Variants in TMEM52B observed in about 807,000 individuals in gnomAD.
The protein encoded by TMEM52B is chromosome 12 open reading frame 59.
TMEM52B carries 11 observed loss-of-function variants against 16.1 expected under a neutral mutation model. The observed-to-expected ratio is 0.68, with a 90% confidence interval of 0.43 to 1.13. TMEM52B has a LOEUF of 1.13. TMEM52B is among the 50% of genes most tolerant of loss of function. TMEM52B has a pLI of 0.00. For synonymous variants in TMEM52B, 101 were observed against 93.8 expected (o/e 1.08, Z -0.45); for missense variants, 243 against 230.4 (o/e 1.05, Z -0.35).
intron 2 of TMEM52B, among the ~76,000 whole-genome samples, chr12:10,183,619 C>T (rs1565426965): frequency 6.6e-6 from 1 of 152,108 alleles, no homozygotes; most frequent in Non-Finnish European, 1.5e-5. Flanking sequence ...CCTCATTCTC[C>T]AATTCCTGAA....
At position 10,179,695 on chromosome 12, in the gene TMEM52B, T is replaced by C; in HGVS notation, c.54+67T>C. On this transcript the variant is annotated intron_variant, in intron 1 of 4. Transcript: ENST00000543484. Reference sequence around the variant, plus strand: ...AGATTAATCAACTCTCAGAAGAGTCTGAAAGGAAATGAACTGCGGGGTGGG... The same window carrying C: ...AGATTAATCAACTCTCAGAAGAGTCCGAAAGGAAATGAACTGCGGGGTGGG... The C allele has an allele frequency of 1.3e-5, 20 of 1,586,428 alleles. No homozygotes were observed. The South Asian group carries it at 1.7e-4, about 13-fold the overall frequency.
Position 10,190,110 on chromosome 12 carries a change from GTCGAC to G in TMEM52B, c.527_531del (p.Thr176AsnfsTer3). ...AGCAGCTGCCTCCAACAGAGAAGGA[GTCGAC>G]TCGAATAGTTGACTCTTGGAACTGA... On this transcript the variant is annotated frameshift_variant, in exon 5 of 5. Transcript: ENST00000543484. LOFTEE classifies it low-confidence loss of function (END_TRUNC). 6.2e-7 allele frequency: 1 copy of G among 1,614,210 alleles called. No homozygotes were observed. Among genetic ancestry groups the G allele is most frequent in the Non-Finnish European group, 8.5e-7 (1 of 1,180,032 alleles).
chr12:10,178,405 C>T (rs113333556), upstream of TMEM52B, among the ~76,000 whole-genome samples: 1 of 151,626 alleles, frequency 6.6e-6, no homozygotes, highest in South Asian at 2.1e-4. Context: ...CGCCAGTATT[C>T]CCAGCTACTC....
intron 3 of TMEM52B, 78 bp from the exon 4 acceptor site, chr12:10,186,342 A>T: frequency 9.1e-7 from 1 of 1,099,098 alleles, no homozygotes; most frequent in Non-Finnish European, 1.2e-6. Context: ...CAAAACACAG[A>T]CATTAAAGAC....
chr12:10,188,662 A>G (rs1948914894), intron 4 of TMEM52B, among the ~76,000 whole-genome samples: 1 of 151,716 alleles, frequency 6.6e-6, no homozygotes, highest in African/African-American at 2.4e-5. Context: ...AGGTCAGGAG[A>G]TTGAGACCAG....
At chr12:10,185,242 T>C in intron 2 of TMEM52B, 88 bp from the exon 3 acceptor site, 1 of 919,090 alleles carries the variant, frequency 1.1e-6, no homozygotes, top group South Asian at 1.3e-5. Flanking sequence ...AGGTATCACA[T>C]CATATTGTAA....
chr12:10,190,002 T>G lies in TMEM52B; in HGVS notation c.414T>G (p.Tyr138Ter). Reference sequence around the variant, plus strand: ...CCTCTTTGGACACCCTCCCAGGGTATGAAGAAGCTCTTCACATGAGTCGCT... The same window carrying G: ...CCTCTTTGGACACCCTCCCAGGGTAGGAAGAAGCTCTTCACATGAGTCGCT... The part of the protein sequence containing the change: ...LPSSLDTLPG[Y>*]EEALHMSRFT... Residue 138 changes from tyrosine (Y) to a stop codon, truncating the protein, a stop_gained, in exon 5 of 5, where the codon TAT (tyrosine) becomes TAG (stop). Transcript: ENST00000543484. LOFTEE classifies it low-confidence loss of function (END_TRUNC). The G allele has an allele frequency of 6.2e-7, 1 of 1,614,168 alleles. No homozygotes were observed. Among genetic ancestry groups the G allele is most frequent in the South Asian group, 1.1e-5 (1 of 91,080 alleles).
intron 1 of TMEM52B, chr12:10,182,328 A>C: frequency 2.0e-6 from 2 of 985,362 alleles, no homozygotes; most frequent in Non-Finnish European, 2.4e-6. Flanking sequence ...CACCATCAAC[A>C]CAACAGATGA....
In TMEM52B at chr12:10,186,604, CT is replaced by C. The variant is rs1289226344; in HGVS notation, c.307+19del. The stretch of plus-strand genomic sequence containing the variant: ...CACTATCACATGTGAGTACACTGAA[CT>C]TTTAACCTGGGAGGAGGACCCAATT... On this transcript the variant is annotated intron_variant, in intron 4 of 4. Transcript: ENST00000543484. The C allele has an allele frequency of 1.3e-6, 2 of 1,540,732 alleles. No individual in the cohort carries two copies. The highest frequency in any genetic ancestry group is 2.7e-5 in the African/African-American group (2 of 73,672).
exon 1 of TMEM52B, chr12:10,170,629 T>C (rs1591984430): frequency 6.6e-6 from 1 of 151,756 alleles, no homozygotes; most frequent in Admixed American, 6.6e-5. Context: ...GCAGCTGGGA[T>C]TGCAGCCGCG....
chr12:10,172,157 G>GTATTTAGATAACAGTAGC, intron 1 of TMEM52B: 2 of 911,312 alleles, frequency 2.2e-6, no homozygotes, highest in Non-Finnish European at 3.6e-6. Context: ...TTCTGCAGAA[G>GTATTTAGATAACAGTAGC]TATTTAAATA....
intron 2 of TMEM52B, among the ~76,000 whole-genome samples, chr12:10,184,348 A>G (rs1948856098): frequency 6.6e-6 from 1 of 152,202 alleles, no homozygotes. Flanking sequence ...ACGCAACCTC[A>G]AGAGGGAGTC....
intron 2 of TMEM52B, among the ~76,000 whole-genome samples, 189 bp from the exon 3 acceptor site, chr12:10,185,141 A>G (rs1169793383): frequency 6.6e-6 from 1 of 152,246 alleles, no homozygotes; most frequent in Non-Finnish European, 1.5e-5. Flanking sequence ...TCTATAGTAT[A>G]AAGTACTATT....
rs1591988072 is a variant in TMEM52B, at chr12:10,179,239, T to C, written c.-336T>C. 1 of 285,496 alleles carries C rather than the reference T, an allele frequency of 3.5e-6. No individual in the cohort carries two copies. Among genetic ancestry groups the C allele is most frequent in the East Asian group, 6.7e-5 (1 of 15,034 alleles). The allele number at this position is 285,496 out of a possible 1,614,324, so 17.7% of individuals were successfully genotyped here. A position where few individuals can be genotyped will look rare whatever the true frequency, so the allele number is the denominator to read the frequency against. Reference sequence around the variant, plus strand: ...CATATGTCCTCTTTGAATGTCTCCTTTTTGGGAGCAGTAGGAGAAAGAAAC... The same window carrying C: ...CATATGTCCTCTTTGAATGTCTCCTCTTTGGGAGCAGTAGGAGAAAGAAAC... On this transcript the variant is annotated 5_prime_UTR_variant, in exon 1 of 5. Coordinates refer to ENST00000543484, the MANE Select transcript of TMEM52B (RefSeq NM_001384896.1).
At chr12:10,185,778 C>T (rs1448568494) in intron 3 of TMEM52B, among the ~76,000 whole-genome samples, 2 of 152,198 alleles carry the variant, frequency 1.3e-5, no homozygotes, top group East Asian at 3.9e-4. Context: ...CGCGGTGGCT[C>T]ACACCTGTAA....
At chr12:10,171,881 G>T in intron 1 of TMEM52B, 1 of 660,688 alleles carries the variant, frequency 1.5e-6, no homozygotes, top group Non-Finnish European at 2.7e-6. Flanking sequence ...TAAGTAAATG[G>T]TATTAATTCT....
chr12:10,186,578 G>A lies in TMEM52B; in HGVS notation c.296G>A (p.Ser99Asn). 1 of 1,590,168 alleles carries A rather than the reference G, an allele frequency of 6.3e-7. No individual in the cohort carries two copies. Among genetic ancestry groups the A allele is most frequent in the South Asian group, 1.1e-5 (1 of 88,352 alleles). ...IAFDHDSTLQ[S>N]TITSLQSVFG... The stretch of plus-strand genomic sequence containing the variant: ...TTCGATCACGACAGCACTCTCCAGA[G>A]CACTATCACATGTGAGTACACTGAA... The change falls in exon 4 of 5, where the codon AGC becomes AAC. Residue 99 changes from serine (S) to asparagine (N), a missense_variant. Ser to Asn is a conservative substitution (Grantham distance 46). Coordinates refer to ENST00000543484, the MANE Select transcript of TMEM52B (RefSeq NM_001384896.1).
upstream of TMEM52B, among the ~76,000 whole-genome samples, chr12:10,175,840 A>C (rs1948761571): frequency 6.6e-6 from 1 of 152,242 alleles, no homozygotes; most frequent in Non-Finnish European, 1.5e-5. Flanking sequence ...ATTGAGGCAC[A>C]GAGAGGAAAG....
Position 10,189,915 on chromosome 12 carries a change from C to T in TMEM52B, c.327C>T (p.Gly109=), listed in dbSNP as rs1948936871. ...STITSLQSVF[G]PAARRILAVA... is the part of the protein sequence containing the mutation. ...TCACAGCTCTGCAGTCGGTGTTTGGCCCTGCAGCTCGGAGGATCCTGGCTG... is the reference window on the plus strand; with the variant it reads ...TCACAGCTCTGCAGTCGGTGTTTGGTCCTGCAGCTCGGAGGATCCTGGCTG... The change falls in exon 5 of 5, where the codon GGC becomes GGT. Residue 109 remains glycine, a synonymous_variant. Transcript: ENST00000543484. 2 of 1,613,946 alleles carry T rather than the reference C, an allele frequency of 1.2e-6. No homozygotes were observed. The highest frequency in any genetic ancestry group is 1.7e-6 in the Non-Finnish European group (2 of 1,180,030).
Sources: allele counts gnomAD v4.1 joint callset (sites outside exome capture counted in the v4.1 genomes callset), GRCh38; gene constraint gnomAD v4.1.1; transcripts MANE v1.5; gene names NCBI Gene and HGNC (gene_info 2026-07-23, HGNC 2026-07-21).